ADCY8: variants seen among roughly 807,000 people sequenced by gnomAD.
ADCY8 encodes adenylate cyclase type 8.
ADCY8 carries 51 observed loss-of-function variants against 119.7 expected under a neutral mutation model. That is an observed-to-expected ratio of 0.43 (90% CI 0.34 to 0.54). The LOEUF is 0.54. Ranked by LOEUF, ADCY8 falls within the 20% of genes least tolerant of loss-of-function variation. The pLI is 0.03. For missense variants in ADCY8, 1,383 were observed against 1,598.8 expected, an observed-to-expected ratio of 0.87 and a Z score of 2.30; for synonymous variants, 665 against 651.0, an observed-to-expected ratio of 1.02 and a Z score of -0.33.
intron 1 of ADCY8, among the ~76,000 whole-genome samples, chr8:131,019,849 C>G (rs1823607691): frequency 6.0e-5 from 9 of 149,804 alleles, no homozygotes; most frequent in Non-Finnish European, 1.0e-4. Flanking sequence ...GTCTGTCTCT[C>G]TCTCTCTCTC....
intron 9 of ADCY8, among the ~76,000 whole-genome samples, chr8:130,863,970 G>T (rs1233504091): frequency 6.6e-6 from 1 of 151,998 alleles, no homozygotes; most frequent in Non-Finnish European, 1.5e-5. Flanking sequence ...TTATTTTCCT[G>T]CTGTTTGAAG....
rs749872300 is a variant in ADCY8 at position 130,938,845 on chromosome 8, C to G, written c.1354-1645G>C. 1.3e-4 allele frequency among the ~76,000 whole-genome samples: 20 copies of G among 152,310 alleles called. 2 individuals carry two copies. The highest frequency in any genetic ancestry group is 2.2e-4 in the African/African-American group (9 of 41,562). Reference sequence around the variant, plus strand: ...CATCCCAGGATTATTTTTAGGGGATCTGGGCTCCTGTCTATTGGCTGCTTC... The same window carrying G: ...CATCCCAGGATTATTTTTAGGGGATGTGGGCTCCTGTCTATTGGCTGCTTC... On this transcript the variant is annotated intron_variant, in intron 4 of 17. Coordinates refer to ENST00000286355, the MANE Select transcript of ADCY8 (RefSeq NM_001115.3).
At chr8:130,920,005 C>T (rs1479066974) in intron 5 of ADCY8, among the ~76,000 whole-genome samples, 3 of 152,022 alleles carry the variant, frequency 2.0e-5, no homozygotes, top group Non-Finnish European at 2.9e-5. Flanking sequence ...GGGCCTGGTG[C>T]AGTGGCATTT....
chr8:131,003,613 A>G (rs1586647494), intron 1 of ADCY8, among the ~76,000 whole-genome samples: 1 of 114,366 alleles, frequency 8.7e-6, no homozygotes, highest in East Asian at 3.7e-4. Flanking sequence ...ATGCTATTTT[A>G]TGGACAGTCC....
chr8:130,962,631 G>T (rs183483116), intron 2 of ADCY8, among the ~76,000 whole-genome samples: 2 of 152,334 alleles, frequency 1.3e-5, no homozygotes, highest in Admixed American at 1.3e-4. Flanking sequence ...AACAGTGAGG[G>T]ATTCAGGATC....
intron 9 of ADCY8, among the ~76,000 whole-genome samples, chr8:130,863,905 AT>A (rs1818028983): frequency 6.6e-6 from 1 of 152,136 alleles, no homozygotes; most frequent in Admixed American, 6.5e-5. Context: ...ACTTAACTTC[AT>A]TTATTTTTTC....
intron 7 of ADCY8, among the ~76,000 whole-genome samples, chr8:130,891,346 A>G (rs1343872899): frequency 6.6e-6 from 1 of 152,078 alleles, no homozygotes. Flanking sequence ...TTCTTTCTCT[A>G]CTGTTTGTTA....
intron 1 of ADCY8, among the ~76,000 whole-genome samples, chr8:130,994,667 A>G (rs1822709981): frequency 6.6e-6 from 1 of 152,158 alleles, no homozygotes; most frequent in Non-Finnish European, 1.5e-5. Flanking sequence ...AATCTCTCGT[A>G]TTGCTTAGTT....
At chr8:130,817,563 A>C (rs972224368) in intron 13 of ADCY8, among the ~76,000 whole-genome samples, 7 of 152,242 alleles carry the variant, frequency 4.6e-5, no homozygotes, top group Admixed American at 3.9e-4. Context: ...TGTCAAAATG[A>C]TGCAAAAGCC....
At chr8:131,009,867 G>A (rs539551904) in intron 1 of ADCY8, among the ~76,000 whole-genome samples, 1 of 152,172 alleles carries the variant, frequency 6.6e-6, no homozygotes, top group Non-Finnish European at 1.5e-5. Flanking sequence ...GAAGCATTTG[G>A]GGAGGTAAAA....
chr8:131,040,868 G>C lies in ADCY8; in HGVS notation c.-535C>G, dbSNP rs1824380009. 6.6e-6 allele frequency: 1 copy of C among 152,472 alleles called. No homozygotes were observed. The highest frequency in any genetic ancestry group is 2.4e-5 in the African/African-American group (1 of 41,472). 9.4% of individuals were successfully genotyped at this position (152,472 alleles called of 1,614,324 possible). A position where few individuals can be genotyped will look rare whatever the true frequency, so the allele number is the denominator to read the frequency against. On this transcript the variant is annotated 5_prime_UTR_variant, in exon 1 of 18. Transcript: ENST00000286355. ...GATGGGTGCGAAGTTAGCAGATGTG[G>C]CTGGAATCATCGCCCTTCGGAGAAC...
chr8:130,952,060 G>A (rs1371001590), intron 2 of ADCY8, 62 bp from the exon 3 acceptor site: 3 of 1,596,010 alleles, frequency 1.9e-6, no homozygotes, highest in Non-Finnish European at 2.6e-6. Context: ...ATGGGAGGGT[G>A]GAGGGTGGAG....
chr8:131,037,979 T>C (rs969351747), intron 1 of ADCY8, among the ~76,000 whole-genome samples: 3 of 152,208 alleles, frequency 2.0e-5, no homozygotes, highest in African/African-American at 7.2e-5. Context: ...CTCCATTTCA[T>C]GCTTGATAAT....
intron 15 of ADCY8, among the ~76,000 whole-genome samples, chr8:130,795,186 G>C (rs543497465): frequency 6.6e-6 from 1 of 152,210 alleles, no homozygotes. Context: ...TGCCTCCGTC[G>C]ATCATCTGTT....
Position 131,040,453 on chromosome 8 carries a change from C to T in ADCY8, c.-120G>A. 4 of 1,272,524 alleles carry T rather than the reference C, an allele frequency of 3.1e-6. No homozygotes were observed. The highest frequency in any genetic ancestry group is 4.1e-6 in the Non-Finnish European group (4 of 987,636). 78.8% of individuals were successfully genotyped at this position (1,272,524 alleles called of 1,614,324 possible). ...CAAGGATCCTTTTTATCCTAGGCTGCCCCGTTGCAGGAGCCCTGCGCTAGG... is the reference window on the plus strand; with the variant it reads ...CAAGGATCCTTTTTATCCTAGGCTGTCCCGTTGCAGGAGCCCTGCGCTAGG... On this transcript the variant is annotated 5_prime_UTR_variant, in exon 1 of 18. Coordinates refer to ENST00000286355, the MANE Select transcript of ADCY8 (RefSeq NM_001115.3).
chr8:130,992,394 T>TTGAGCA (rs1238639646), intron 1 of ADCY8, among the ~76,000 whole-genome samples: 1 of 117,830 alleles, frequency 8.5e-6, no homozygotes, highest in Non-Finnish European at 1.7e-5. Context: ...TATATATATA[T>TTGAGCA]ATATATATAT....
At chr8:131,008,190 T>C (rs1179460009) in intron 1 of ADCY8, among the ~76,000 whole-genome samples, 1 of 152,264 alleles carries the variant, frequency 6.6e-6, no homozygotes, top group Non-Finnish European at 1.5e-5. Context: ...AAAGACAAGT[T>C]AAGTAACTTG....
At chr8:130,898,889 C>A (rs1403345932) in intron 7 of ADCY8, among the ~76,000 whole-genome samples, 1 of 152,200 alleles carries the variant, frequency 6.6e-6, no homozygotes, top group Non-Finnish European at 1.5e-5. Flanking sequence ...TCTTCACAGG[C>A]AGCCAAAGTG....
intron 11 of ADCY8, among the ~76,000 whole-genome samples, chr8:130,845,525 T>C (rs1817269053): frequency 6.6e-6 from 1 of 152,210 alleles, no homozygotes; most frequent in Non-Finnish European, 1.5e-5. Flanking sequence ...AGCTTTCGCC[T>C]AGCTCTGACC....
Sources: allele counts gnomAD v4.1 joint callset (sites outside exome capture counted in the v4.1 genomes callset), GRCh38; gene constraint gnomAD v4.1.1; transcripts MANE v1.5; gene names NCBI Gene and HGNC (gene_info 2026-07-23, HGNC 2026-07-21).